MXRA7: variants seen among roughly 807,000 people sequenced by gnomAD.
MXRA7 encodes matrix remodeling associated 7, also known as matrix-remodeling-associated protein 7.
Under a neutral mutation model 17.4 loss-of-function variants are expected in MXRA7, and 18 were observed. The observed-to-expected ratio is 1.03, with a 90% CI of 0.71 to 1.53. MXRA7 has a LOEUF of 1.53. Among genes scored for constraint, MXRA7 ranks in the 40% most tolerant of loss-of-function variants. MXRA7 has a pLI of 0.00. For synonymous variants in MXRA7, 70 were observed against 101.7 expected (o/e 0.69, Z 1.87); for missense variants, 141 against 209.3 (o/e 0.67, Z 2.01).
chr17:76,678,835 C>T (rs776014305), downstream of MXRA7, among the ~76,000 whole-genome samples: 139 of 152,242 alleles, frequency 9.1e-4, no homozygotes, highest in Non-Finnish European at 1.4e-3. Flanking sequence ...TCCTCAGCCC[C>T]GCATCTTCCA....
At chr17:76,700,651 C>T (rs916570999) in intron 1 of MXRA7, among the ~76,000 whole-genome samples, 21 of 152,348 alleles carry the variant, frequency 1.4e-4, no homozygotes, top group Middle Eastern at 3.4e-3. Flanking sequence ...GTGCCTACTG[C>T]GTGCGGGCCT....
chr17:76,683,783 T>C (rs946774423), intron 3 of MXRA7: 9 of 1,252,846 alleles, frequency 7.2e-6, no homozygotes, highest in Admixed American at 5.1e-5. Flanking sequence ...CGTCAGTTGT[T>C]TGGGGGCACG....
rs1413269529 is a variant in MXRA7 at position 76,706,288 on chromosome 17, ACGCTGCCGT to A, written c.342+4308_342+4316del. On this transcript the variant is annotated intron_variant, in intron 1 of 3. Transcript: ENST00000449428. ...GCCCACGCTGCCGTCACAGAGGCCCACGCTGCCGTCACAGAGGCCCACGCTGCCATCACA... is the reference window on the plus strand; with the variant it reads ...GCCCACGCTGCCGTCACAGAGGCCCACACAGAGGCCCACGCTGCCATCACA... 3.2e-4 allele frequency among the ~76,000 whole-genome samples: 38 copies of A among 119,704 alleles called. 3 individuals carry two copies. The East Asian group carries it at 8.8e-3, about 28-fold the overall frequency. The allele number at this position is 119,704 out of a possible 152,430, so 78.5% of individuals were successfully genotyped here. A position where few individuals can be genotyped will look rare whatever the true frequency, so the allele number is the denominator to read the frequency against.
intron 1 of MXRA7, among the ~76,000 whole-genome samples, chr17:76,693,289 G>A (rs1374191220): frequency 6.6e-6 from 1 of 151,258 alleles, no homozygotes; most frequent in Non-Finnish European, 1.5e-5. Context: ...CCAACATGGG[G>A]AAATCCCGTC....
At chr17:76,673,577 G>A (rs2076218126) in exon 4 of MXRA7, 1 of 152,228 alleles carries the variant, frequency 6.6e-6, no homozygotes, top group African/African-American at 2.4e-5. Flanking sequence ...GAGCTGCCCA[G>A]TAGATCAACT....
intron 1 of MXRA7, chr17:76,688,568 G>GCCAGGCAGCTC (rs894237509): frequency 7.1e-6 from 9 of 1,262,552 alleles, no homozygotes; most frequent in Non-Finnish European, 8.0e-6. Context: ...TGGGACCAGG[G>GCCAGGCAGCTC]CCAGGCAGCA....
downstream of MXRA7, chr17:76,677,630 G>A (rs1168604503): frequency 8.7e-6 from 14 of 1,613,482 alleles, no homozygotes; most frequent in Admixed American, 3.3e-5. Context: ...CGTCGCCGTC[G>A]GACATCTCGC....
downstream of MXRA7, among the ~76,000 whole-genome samples, chr17:76,677,996 G>A (rs2076255310): frequency 6.6e-6 from 1 of 152,078 alleles, no homozygotes. Flanking sequence ...TTTCCCTTTG[G>A]GCCTCATTTG....
downstream of MXRA7, chr17:76,675,855 C>T (rs756133975): frequency 1.3e-5 from 2 of 152,188 alleles, no homozygotes; most frequent in Non-Finnish European, 1.5e-5. Context: ...GAGGCGACGG[C>T]GGGAAGTTAA....
Position 76,706,359 on chromosome 17 carries a change from A to ATCACAGAGGCCCACTCCGCCG in MXRA7, c.342+4245_342+4246insCGGCGGAGTGGGCCTCTGTGA, listed in dbSNP as rs1567991033. Among the ~76,000 whole-genome samples, 7 of 39,194 alleles carry ATCACAGAGGCCCACTCCGCCG rather than the reference A, an allele frequency of 1.8e-4. 1 individual carries two copies. Among genetic ancestry groups the ATCACAGAGGCCCACTCCGCCG allele is most frequent in the African/African-American group, 5.9e-4 (7 of 11,934 alleles). The allele number at this position is 39,194 out of a possible 152,430, so 25.7% of individuals were successfully genotyped here. A position where few individuals can be genotyped will look rare whatever the true frequency, so the allele number is the denominator to read the frequency against. On this transcript the variant is annotated intron_variant, in intron 1 of 3. Coordinates refer to ENST00000449428, the MANE Select transcript of MXRA7 (RefSeq NM_198530.4). ...TGCCATCACAGAGGCCCACTCTGCC[A>ATCACAGAGGCCCACTCCGCCG]TCACAGAGGCCCACGCTGCCGTCAC... is the stretch of plus-strand genomic sequence containing the variant.
intron 2 of MXRA7, among the ~76,000 whole-genome samples, chr17:76,686,424 G>A (rs1279159524): frequency 6.6e-6 from 1 of 152,154 alleles, no homozygotes; most frequent in Non-Finnish European, 1.5e-5. Context: ...AGGTTGCAGT[G>A]AGCCGAGATC....
exon 4 of MXRA7, chr17:76,673,433 A>T (rs1419530805): frequency 6.6e-6 from 1 of 152,276 alleles, no homozygotes; most frequent in Non-Finnish European, 1.5e-5. Flanking sequence ...ATTCAGAGGC[A>T]GCCTCTCGCT....
downstream of MXRA7, among the ~76,000 whole-genome samples, chr17:76,678,820 T>G (rs2076262399): frequency 6.6e-6 from 1 of 151,988 alleles, no homozygotes; most frequent in African/African-American, 2.4e-5. Flanking sequence ...CACCCTTCCC[T>G]CCTCTCCTCA....
chr17:76,687,999 T>TCCCCCCCCCTCCC, intron 2 of MXRA7, 114 bp downstream of exon 2: 1 of 801,730 alleles, frequency 1.2e-6, no homozygotes, highest in South Asian at 1.6e-5. Flanking sequence ...CAGGCCACTG[T>TCCCCCCCCCTCCC]CCCACCCCAT....
At chr17:76,679,501 G>A, downstream of MXRA7, 1 of 700,858 alleles carries the variant, frequency 1.4e-6, no homozygotes, top group Non-Finnish European at 1.8e-6. Context: ...TGAAAGAAAG[G>A]TCAAACTTCA....
At chr17:76,684,163 G>A (rs1463516767) in intron 3 of MXRA7, among the ~76,000 whole-genome samples, 1 of 152,172 alleles carries the variant, frequency 6.6e-6, no homozygotes, top group Non-Finnish European at 1.5e-5. Context: ...CTGCCCGGCG[G>A]GTGGCTTGGC....
intron 1 of MXRA7, among the ~76,000 whole-genome samples, chr17:76,690,431 C>T (rs2076468301): frequency 6.6e-6 from 1 of 151,580 alleles, no homozygotes; most frequent in African/African-American, 2.4e-5. Flanking sequence ...AGTAAGAGGC[C>T]AGGTGTGGTG....
At chr17:76,704,035 G>A (rs1446946852) in intron 1 of MXRA7, among the ~76,000 whole-genome samples, 1 of 146,626 alleles carries the variant, frequency 6.8e-6, no homozygotes, top group South Asian at 2.2e-4. Context: ...CCCGGGAGGC[G>A]GAGGTTGCGG....
intron 3 of MXRA7, 42 bp from the exon 4 acceptor site, chr17:76,680,921 C>T: frequency 1.3e-6 from 2 of 1,508,962 alleles, no homozygotes; most frequent in Non-Finnish European, 1.8e-6. Flanking sequence ...TTATTTTACT[C>T]ATTCCATCCT....
Sources: allele counts gnomAD v4.1 joint callset (sites outside exome capture counted in the v4.1 genomes callset), GRCh38; gene constraint gnomAD v4.1.1; transcripts MANE v1.5; gene names NCBI Gene and HGNC (gene_info 2026-07-23, HGNC 2026-07-21).